PTPRZ1: variants seen among roughly 807,000 people sequenced by gnomAD.
The protein encoded by PTPRZ1 is protein tyrosine phosphatase receptor type Z1.
A neutral mutation model predicts 214.1 loss-of-function variants in PTPRZ1; 82 were observed. That is an observed-to-expected ratio of 0.38 (90% confidence interval 0.32 to 0.46). PTPRZ1 has a LOEUF of 0.46. Ranked by LOEUF, PTPRZ1 falls within the 20% of genes least tolerant of loss-of-function variation. PTPRZ1 has a pLI of 1.00. For missense variants in PTPRZ1, 2,603 were observed against 2,748.7 expected (o/e 0.95, Z 1.19); for synonymous variants, 945 against 987.9 (o/e 0.96, Z 0.81).
chr7:122,043,860 C>T (rs1194010100), intron 22 of PTPRZ1, among the ~76,000 whole-genome samples: 1 of 152,058 alleles, frequency 6.6e-6, no homozygotes, highest in Non-Finnish European at 1.5e-5. Flanking sequence ...CAACAAACCC[C>T]CATGACACAA....
Position 121,996,955 on chromosome 7 carries a change from G to C in PTPRZ1, c.1113+389G>C, listed in dbSNP as rs181474547. 1.6e-4 allele frequency among the ~76,000 whole-genome samples: 24 copies of C among 152,262 alleles called. No individual in the cohort carries two copies. The East Asian group carries it at 4.4e-3, about 28-fold the overall frequency. ...ATATCAGCACAGGAAAAGTAGAGTA[G>C]GGGACATACAAGTCCTCTTTGTTGC... is the stretch of plus-strand genomic sequence containing the variant. On this transcript the variant is annotated intron_variant, in intron 9 of 29. Transcript: ENST00000393386.
intron 1 of PTPRZ1, among the ~76,000 whole-genome samples, chr7:121,875,486 G>T (rs1216897988): frequency 2.0e-5 from 3 of 152,060 alleles, no homozygotes; most frequent in Non-Finnish European, 2.9e-5. Context: ...GCCTATTTTT[G>T]GTTGTATAGT....
intron 27 of PTPRZ1, among the ~76,000 whole-genome samples, chr7:122,058,349 C>T (rs1792441981): frequency 6.6e-6 from 1 of 151,972 alleles, no homozygotes; most frequent in Non-Finnish European, 1.5e-5. Flanking sequence ...TAGATCTCTA[C>T]CTCCTTGTCG....
intron 1 of PTPRZ1, among the ~76,000 whole-genome samples, chr7:121,909,877 T>C (rs546356441): frequency 6.6e-6 from 1 of 151,864 alleles, no homozygotes; most frequent in African/African-American, 2.4e-5. Context: ...ACTGGAGAGG[T>C]GGAGTGAAAT....
intron 12 of PTPRZ1, among the ~76,000 whole-genome samples, chr7:122,016,870 G>T (rs1220190219): frequency 6.6e-6 from 1 of 151,874 alleles, no homozygotes; most frequent in Non-Finnish European, 1.5e-5. Flanking sequence ...CTACATCACT[G>T]GTTCTCAAAC....
At chr7:122,042,902 C>G (rs1005081488) in intron 22 of PTPRZ1, among the ~76,000 whole-genome samples, 159 bp downstream of exon 22, 2 of 152,130 alleles carry the variant, frequency 1.3e-5, no homozygotes, top group African/African-American at 4.8e-5. Flanking sequence ...GTCTGTAGGC[C>G]CATGCCCTTC....
At chr7:121,880,993 AACTT>A (rs1452666533) in intron 1 of PTPRZ1, among the ~76,000 whole-genome samples, 38 of 152,130 alleles carry the variant, frequency 2.5e-4, no homozygotes, top group Non-Finnish European at 2.9e-5. Flanking sequence ...CTGCATTTTG[AACTT>A]ACTTGGTGTT....
intron 20 of PTPRZ1, among the ~76,000 whole-genome samples, chr7:122,040,268 A>G (rs1314074027): frequency 6.6e-6 from 1 of 152,252 alleles, no homozygotes; most frequent in Non-Finnish European, 1.5e-5. Flanking sequence ...TCAAAGAAAC[A>G]GAACCAACAG....
chr7:121,880,857 A>G (rs878921737), intron 1 of PTPRZ1, among the ~76,000 whole-genome samples: 1 of 152,162 alleles, frequency 6.6e-6, no homozygotes, highest in Admixed American at 6.6e-5. Context: ...GTTGTGCAAA[A>G]TCATGATCTG....
chr7:122,015,166 G>A (rs1798808615), intron 12 of PTPRZ1, among the ~76,000 whole-genome samples: 1 of 152,108 alleles, frequency 6.6e-6, no homozygotes, highest in Admixed American at 6.5e-5. Context: ...TACTTTCATT[G>A]AATTGGTCAT....
intron 10 of PTPRZ1, among the ~76,000 whole-genome samples, chr7:122,003,690 T>C (rs1246005005): frequency 1.3e-5 from 2 of 152,176 alleles, no homozygotes; most frequent in Non-Finnish European, 2.9e-5. Context: ...AGAACATCAT[T>C]ATAATAATGC....
intron 4 of PTPRZ1, among the ~76,000 whole-genome samples, chr7:121,973,947 A>G (rs1797345181): frequency 6.7e-6 from 1 of 150,330 alleles, no homozygotes; most frequent in Non-Finnish European, 1.5e-5. Flanking sequence ...AAAGAAAAAA[A>G]AAAAAAAAAA....
intron 8 of PTPRZ1, among the ~76,000 whole-genome samples, chr7:121,988,034 G>A (rs1797817683): frequency 6.6e-6 from 1 of 152,062 alleles, no homozygotes; most frequent in South Asian, 2.1e-4. Context: ...TGGAGAGGTG[G>A]GTGAGTTAAA....
chr7:121,975,274 T>C (rs1395337700), intron 4 of PTPRZ1, among the ~76,000 whole-genome samples: 8 of 152,226 alleles, frequency 5.3e-5, no homozygotes, highest in African/African-American at 1.4e-4. Context: ...GATTATTAAA[T>C]TAATAATTAT....
At position 121,997,865 on chromosome 7, in the gene PTPRZ1, A is replaced by G. The variant is rs745469476; in HGVS notation, c.1114-15A>G. 4 of 1,594,546 alleles carry G rather than the reference A, an allele frequency of 2.5e-6. No individual in the cohort carries two copies. The highest frequency in any genetic ancestry group is 3.4e-6 in the Non-Finnish European group (4 of 1,166,328). On this transcript the variant is annotated splice_polypyrimidine_tract_variant and intron_variant, in intron 9 of 29. Coordinates refer to ENST00000393386, the MANE Select transcript of PTPRZ1 (RefSeq NM_002851.3). ...GAGAATAACATTTGTATAATTACTAACATCTTTCTTTTAGGGTGCTATTCT... is the reference window on the plus strand; with the variant it reads ...GAGAATAACATTTGTATAATTACTAGCATCTTTCTTTTAGGGTGCTATTCT...
chr7:121,908,374 TCAACTATAC>T, intron 1 of PTPRZ1: 1 of 245,250 alleles, frequency 4.1e-6, no homozygotes, highest in Non-Finnish European at 8.1e-6. Context: ...GAAAAGAATA[TCAACTATAC>T]ATCATCTGTA....
intron 12 of PTPRZ1, among the ~76,000 whole-genome samples, chr7:122,018,387 A>G (rs1273959279): frequency 1.3e-5 from 2 of 152,200 alleles, no homozygotes; most frequent in Non-Finnish European, 2.9e-5. Context: ...ACTGGCCCCC[A>G]AAATAATCAT....
chr7:122,002,130 A>G (rs542998122), intron 10 of PTPRZ1, among the ~76,000 whole-genome samples: 144 of 152,306 alleles, frequency 9.5e-4, no homozygotes, highest in Non-Finnish European at 1.7e-3. Context: ...ATCTTTAGGA[A>G]GATAGAAACA....
At position 122,061,292 on chromosome 7, in the gene PTPRZ1, T is replaced by C; in HGVS notation, c.*72T>C. ...TCCTAAAATTAGGCAGGAAAATCAG[T>C]CTAGTTCTGTTATCTGTTGATTTCC... On this transcript the variant is annotated 3_prime_UTR_variant, in exon 30 of 30. Transcript: ENST00000393386. 1 of 1,357,782 alleles carries C rather than the reference T, an allele frequency of 7.4e-7. No homozygotes were observed. The allele number at this position is 1,357,782 out of a possible 1,614,324, so 84.1% of individuals were successfully genotyped here.
Sources: gnomAD v4.1 joint callset for allele counts (sites outside exome capture counted in the v4.1 genomes callset) on GRCh38, gnomAD v4.1.1 for gene constraint, MANE v1.5 for transcripts, NCBI Gene and HGNC (gene_info 2026-07-23, HGNC 2026-07-21) for gene names.